Variants in PSME4 observed in about 807,000 individuals in gnomAD.
PSME4 encodes the protein proteasome activator subunit 4.
In PSME4, 89 loss-of-function variants were observed where a neutral mutation model predicts 253.9. That is an observed-to-expected ratio of 0.35 (90% CI 0.30 to 0.42). The LOEUF is 0.42. Among genes scored for constraint, PSME4 ranks in the 10% least tolerant of loss-of-function variants. PSME4 has a pLI of 1.00. For synonymous variants in PSME4, 851 were observed against 759.2 expected (o/e 1.12, Z -1.99); for missense variants, 2,014 against 2,195.2 (o/e 0.92, Z 1.65).
At chr2:53,960,749 G>A (rs1376255715) in intron 1 of PSME4, among the ~76,000 whole-genome samples, 1 of 152,144 alleles carries the variant, frequency 6.6e-6, no homozygotes, top group Non-Finnish European at 1.5e-5. Flanking sequence ...TCTTCAGTGG[G>A]GCTCTGGGTA....
At chr2:53,928,433 G>A (rs1378908499) in intron 10 of PSME4, 130 bp from the exon 11 acceptor site, 4 of 695,940 alleles carry the variant, frequency 5.7e-6, no homozygotes, top group Non-Finnish European at 9.1e-6. Context: ...TACTCAGAGT[G>A]AAAATCTGCA....
intron 31 of PSME4, 74 bp downstream of exon 31, chr2:53,897,796 T>A: frequency 6.7e-7 from 1 of 1,490,110 alleles, no homozygotes; most frequent in Non-Finnish European, 9.3e-7. Flanking sequence ...GTGTATTGCT[T>A]GTGAAGAATT....
intron 43 of PSME4, among the ~76,000 whole-genome samples, chr2:53,871,464 C>T (rs548293929): frequency 4.6e-5 from 7 of 151,484 alleles, no homozygotes; most frequent in Admixed American, 2.6e-4. Context: ...CCATGTTAGC[C>T]AGGATGGTCT....
chr2:53,879,562 G>C (rs1679284173), intron 41 of PSME4, among the ~76,000 whole-genome samples: 1 of 152,098 alleles, frequency 6.6e-6, no homozygotes, highest in South Asian at 2.1e-4. Context: ...TTTCACATGA[G>C]AGGTAAAAGA....
In PSME4 at chr2:53,970,418, G is replaced by A. The variant is rs1671009884; in HGVS notation, c.242+125C>T. 2.0e-6 allele frequency: 3 copies of A among 1,469,146 alleles called. No homozygotes were observed. In the South Asian group the frequency reaches 3.9e-5, roughly 19 times the overall value. The allele number at this position is 1,469,146 out of a possible 1,614,324, so 91.0% of individuals were successfully genotyped here. A position where few individuals can be genotyped will look rare whatever the true frequency, so the allele number is the denominator to read the frequency against. ...GCTCTGTCACGACCCTGGGATCACC[G>A]CTCGGGGACAGCTCCAGCGAGGACA... On this transcript the variant is annotated intron_variant, in intron 1 of 46. Coordinates refer to ENST00000404125, the MANE Select transcript of PSME4 (RefSeq NM_014614.3).
At chr2:53,969,143 A>C (rs1464819761) in intron 1 of PSME4, among the ~76,000 whole-genome samples, 2 of 152,128 alleles carry the variant, frequency 1.3e-5, no homozygotes, top group Non-Finnish European at 2.9e-5. Flanking sequence ...ACTATTTATA[A>C]AATATTCTTT....
At chr2:53,888,226 A>G (rs901509933) in intron 38 of PSME4, 3 of 344,806 alleles carry the variant, frequency 8.7e-6, no homozygotes, top group African/African-American at 4.3e-5. Flanking sequence ...ATACTGACTT[A>G]AGAATACTCA....
intron 45 of PSME4, 34 bp downstream of exon 45, chr2:53,866,713 A>C: frequency 6.3e-7 from 1 of 1,585,296 alleles, no homozygotes; most frequent in Non-Finnish European, 8.6e-7. Context: ...CATCACTGAT[A>C]ATACACGTAC....
chr2:53,970,895 C>T lies in PSME4; in HGVS notation c.-111G>A. 2.1e-6 allele frequency: 2 copies of T among 968,460 alleles called. No homozygotes were observed. The highest frequency in any genetic ancestry group is 2.9e-6 in the Non-Finnish European group (2 of 693,984). 60.0% of individuals were successfully genotyped at this position (968,460 alleles called of 1,614,324 possible). A position where few individuals can be genotyped will look rare whatever the true frequency, so the allele number is the denominator to read the frequency against. On this transcript the variant is annotated 5_prime_UTR_variant, in exon 1 of 47. Transcript: ENST00000404125. Reference sequence around the variant, plus strand: ...TCGTCGCCCTGCGGCCGCTGGCGGCCCGTCGCCCTCGGACCGATCGCTAGG... The same window carrying T: ...TCGTCGCCCTGCGGCCGCTGGCGGCTCGTCGCCCTCGGACCGATCGCTAGG...
At position 53,892,927 on chromosome 2, in the gene PSME4, G is replaced by T. The variant is rs561994095; in HGVS notation, c.4072C>A (p.Pro1358Thr). ...IFRNFDDAFL[P>T]VLKPHLEHLV... ...TGTTCTAAATGGGGCTTCAGAACTGGCAGGAAGGCATCATCAAAATTCCTG... is the reference window on the plus strand; with the variant it reads ...TGTTCTAAATGGGGCTTCAGAACTGTCAGGAAGGCATCATCAAAATTCCTG... Residue 1358 changes from proline (P) to threonine (T), a missense_variant, in exon 36 of 47, where the codon CCA becomes ACA. Physicochemically the swap from Pro to Thr is conservative, Grantham distance 38. Around this residue, in one of 4 missense-constraint regions of PSME4, gnomAD observed 989 missense variants for 1,021.1 expected, o/e 0.97. Coordinates refer to ENST00000404125, the MANE Select transcript of PSME4 (RefSeq NM_014614.3). 1.1e-5 allele frequency: 17 copies of T among 1,613,416 alleles called. No homozygotes were observed. Among genetic ancestry groups the T allele is most frequent in the Non-Finnish European group, 1.4e-5 (17 of 1,179,784 alleles).
intron 29 of PSME4, among the ~76,000 whole-genome samples, chr2:53,898,633 G>GTACACACACACA (rs202043988): frequency 1.4e-4 from 20 of 142,504 alleles, no homozygotes; most frequent in African/African-American, 4.1e-4. Flanking sequence ...ATTGGGAGTG[G>GTACACACACACA]CACACACACA....
chr2:53,967,679 A>AAAC (rs1670808609), intron 1 of PSME4, among the ~76,000 whole-genome samples: 6 of 140,018 alleles, frequency 4.3e-5, no homozygotes, highest in African/African-American at 1.7e-4. Context: ...AAAAAAAAAA[A>AAAC]GTCAAAAAGA....
chr2:53,887,117 G>A (rs141664539), intron 40 of PSME4, 142 bp downstream of exon 40: 2 of 697,136 alleles, frequency 2.9e-6, no homozygotes, highest in Non-Finnish European at 4.8e-6. Flanking sequence ...TAATGCCACT[G>A]AACTGTACAC....
intron 8 of PSME4, among the ~76,000 whole-genome samples, chr2:53,934,214 C>T (rs1668998665): frequency 1.3e-5 from 2 of 152,086 alleles, no homozygotes; most frequent in South Asian, 4.1e-4. Flanking sequence ...TGTTAGTAAG[C>T]TTTATGTTCA....
chr2:53,955,186 T>C (rs987768140), intron 1 of PSME4, among the ~76,000 whole-genome samples: 23 of 152,020 alleles, frequency 1.5e-4, no homozygotes, highest in African/African-American at 5.3e-4. Context: ...AAATAAAAAA[T>C]TTTTAAAAGG....
intron 1 of PSME4, among the ~76,000 whole-genome samples, chr2:53,965,625 G>C (rs1195933167): frequency 2.6e-5 from 4 of 151,008 alleles, no homozygotes; most frequent in Non-Finnish European, 5.9e-5. Context: ...TAATTTGCCT[G>C]AGGAATCCAA....
chr2:53,928,873 A>C (rs1401838856), intron 10 of PSME4, among the ~76,000 whole-genome samples: 1 of 152,080 alleles, frequency 6.6e-6, no homozygotes, highest in Non-Finnish European at 1.5e-5. Flanking sequence ...AAAGAACACA[A>C]ACTGGTAGAG....
chr2:53,952,044 A>G (rs1464650646), intron 1 of PSME4, among the ~76,000 whole-genome samples: 6 of 152,098 alleles, frequency 3.9e-5, no homozygotes, highest in Non-Finnish European at 8.8e-5. Context: ...AATGAACACA[A>G]ACATCTCCCT....
At chr2:53,878,563 C>A (rs182231430) in intron 41 of PSME4, among the ~76,000 whole-genome samples, 4 of 152,320 alleles carry the variant, frequency 2.6e-5, no homozygotes, top group African/African-American at 9.6e-5. Flanking sequence ...TCGCTGAATT[C>A]TTTTTCTCAG....
Sources: allele counts gnomAD v4.1 joint callset (sites outside exome capture counted in the v4.1 genomes callset), GRCh38; gene constraint gnomAD v4.1.1; regional missense constraint gnomAD v4.1.1; transcripts MANE v1.5; gene names NCBI Gene and HGNC (gene_info 2026-07-23, HGNC 2026-07-21).